Variants in ANKRD44 observed in about 807,000 individuals in gnomAD.
ANKRD44 encodes serine/threonine-protein phosphatase 6 regulatory ankyrin repeat subunit B.
In ANKRD44, 35 loss-of-function variants were observed where a neutral mutation model predicts 116.0. That is an observed-to-expected ratio of 0.30 (90% confidence interval 0.23 to 0.40). The LOEUF (loss-of-function observed/expected upper bound fraction) is 0.40, where lower values mean the gene tolerates loss of function less well. Ranked by LOEUF, ANKRD44 falls within the 10% of genes least tolerant of loss-of-function variation. The probability of loss-of-function intolerance (pLI) is 1.00; values close to 1 mark genes in which losing one functional copy is unlikely to be tolerated. For synonymous variants in ANKRD44, 435 were observed against 461.8 expected, an observed-to-expected ratio of 0.94 and a Z score of 0.74; for missense variants, 1,014 against 1,242.6, an observed-to-expected ratio of 0.82 and a Z score of 2.77.
chr2:197,052,880 T>G (rs1282834421), intron 16 of ANKRD44, among the ~76,000 whole-genome samples: 1 of 152,074 alleles, frequency 6.6e-6, no homozygotes, highest in African/African-American at 2.4e-5. Context: ...TTTTAAGAAC[T>G]TGAGATAGGC....
At chr2:197,086,418 G>C (rs1346854747) in intron 13 of ANKRD44, among the ~76,000 whole-genome samples, 1 of 152,024 alleles carries the variant, frequency 6.6e-6, no homozygotes, top group Non-Finnish European at 1.5e-5. Context: ...ATCCATGTAG[G>C]AGTTTTGTTT....
At chr2:197,259,205 G>T (rs2082533243) in intron 1 of ANKRD44, among the ~76,000 whole-genome samples, 1 of 152,172 alleles carries the variant, frequency 6.6e-6, no homozygotes, top group Non-Finnish European at 1.5e-5. Context: ...GATGGTCCCA[G>T]GACTCTAGAC....
chr2:197,239,749 T>C (rs1312050631), intron 1 of ANKRD44, among the ~76,000 whole-genome samples: 1 of 152,224 alleles, frequency 6.6e-6, no homozygotes, highest in Non-Finnish European at 1.5e-5. Flanking sequence ...ATTTCACATT[T>C]TATAGACCTG....
At chr2:197,259,864 T>C (rs1479090440) in intron 1 of ANKRD44, among the ~76,000 whole-genome samples, 3 of 152,104 alleles carry the variant, frequency 2.0e-5, no homozygotes, top group Non-Finnish European at 2.9e-5. Flanking sequence ...GAAAAGAATA[T>C]GGTTGAGGAG....
At chr2:197,111,507 C>T (rs797005195) in intron 8 of ANKRD44, among the ~76,000 whole-genome samples, 4 of 151,966 alleles carry the variant, frequency 2.6e-5, no homozygotes, top group South Asian at 2.1e-4. Flanking sequence ...GGCATGGTGG[C>T]GCATGCCTGT....
chr2:197,090,490 T>C (rs1336515633), intron 10 of ANKRD44, among the ~76,000 whole-genome samples: 2 of 147,432 alleles, frequency 1.4e-5, no homozygotes, highest in Non-Finnish European at 3.0e-5. Context: ...TTTTTTTCTT[T>C]TCACTTTTTT....
chr2:197,222,827 T>A (rs973293585), intron 1 of ANKRD44, among the ~76,000 whole-genome samples: 303 of 151,880 alleles, frequency 2.0e-3, no homozygotes, highest in Non-Finnish European at 3.5e-3. Context: ...TTTATTTTTT[T>A]TTTGAGACGG....
At chr2:197,000,118 T>G (rs1458827614) in intron 23 of ANKRD44, among the ~76,000 whole-genome samples, 1 of 152,168 alleles carries the variant, frequency 6.6e-6, no homozygotes, top group Non-Finnish European at 1.5e-5. Context: ...TGCTACCATG[T>G]GCAAAAAAGA....
intron 2 of ANKRD44, among the ~76,000 whole-genome samples, chr2:197,163,835 G>C (rs1367596233): frequency 6.6e-6 from 1 of 152,142 alleles, no homozygotes; most frequent in Non-Finnish European, 1.5e-5. Flanking sequence ...ACCATGCTGG[G>C]CAGGCTAGCC....
chr2:197,024,949 C>T (rs555450395), intron 17 of ANKRD44, among the ~76,000 whole-genome samples: 1 of 152,164 alleles, frequency 6.6e-6, no homozygotes, highest in African/African-American at 2.4e-5. Flanking sequence ...TTTTCATTTG[C>T]CCTCATTTCG....
At chr2:196,974,472 G>T (rs1022960002) in intron 21 of ANKRD44, among the ~76,000 whole-genome samples, 1 of 152,134 alleles carries the variant, frequency 6.6e-6, no homozygotes, top group Non-Finnish European at 1.5e-5. Flanking sequence ...AAATGAAAAT[G>T]CAATATACCA....
intron 8 of ANKRD44, among the ~76,000 whole-genome samples, chr2:197,119,614 C>T (rs776829598): frequency 5.7e-4 from 87 of 151,998 alleles, no homozygotes; most frequent in Non-Finnish European, 4.7e-4. Context: ...CATCTTTCAC[C>T]ACTATTAGAA....
chr2:197,078,607 C>T, intron 16 of ANKRD44, 96 bp downstream of exon 16: 2 of 1,542,118 alleles, frequency 1.3e-6, no homozygotes, highest in Non-Finnish European at 1.8e-6. Flanking sequence ...TTTACACAAG[C>T]CAGAGCTACA....
At chr2:197,199,557 A>G (rs1483643532) in intron 1 of ANKRD44, among the ~76,000 whole-genome samples, 1 of 152,208 alleles carries the variant, frequency 6.6e-6, no homozygotes, top group East Asian at 1.9e-4. Context: ...ATACAGATAT[A>G]TGAGATTATC....
chr2:197,078,886 TCC>T, intron 15 of ANKRD44, 72 bp from the exon 16 acceptor site: 2 of 1,488,128 alleles, frequency 1.3e-6, no homozygotes, highest in Non-Finnish European at 1.8e-6. Flanking sequence ...ATGTAAATCC[TCC>T]TATTACGAAC....
At chr2:197,153,889 G>A (rs1046019505) in intron 2 of ANKRD44, among the ~76,000 whole-genome samples, 6 of 152,068 alleles carry the variant, frequency 3.9e-5, no homozygotes, top group South Asian at 2.1e-4. Context: ...AAAGTGGGAA[G>A]GAGGAAAGGG....
chr2:197,309,705 G>A (rs2084184090), intron 1 of ANKRD44, among the ~76,000 whole-genome samples: 1 of 152,074 alleles, frequency 6.6e-6, no homozygotes, highest in Admixed American at 6.5e-5. Flanking sequence ...TCCTTTTTTC[G>A]TGGAAAGAGC....
At chr2:197,066,514 A>G (rs534844148) in intron 16 of ANKRD44, among the ~76,000 whole-genome samples, 5 of 152,240 alleles carry the variant, frequency 3.3e-5, no homozygotes, top group African/African-American at 4.8e-5. Context: ...CTGTTTGCAG[A>G]TAACATGATT....
chr2:197,250,421 C>T (rs543784277), intron 1 of ANKRD44, among the ~76,000 whole-genome samples: 10 of 152,300 alleles, frequency 6.6e-5, no homozygotes, highest in African/African-American at 2.2e-4. Flanking sequence ...CACTTCCAAC[C>T]AACTTGTGGC....
Sources: allele counts gnomAD v4.1 joint callset (sites outside exome capture counted in the v4.1 genomes callset), GRCh38; gene constraint gnomAD v4.1.1; transcripts MANE v1.5; gene names NCBI Gene and HGNC (gene_info 2026-07-23, HGNC 2026-07-21).